PRKG1: variants seen among roughly 807,000 people sequenced by gnomAD.
The protein encoded by PRKG1 is cGMP-dependent protein kinase 1.
Under a neutral mutation model 88.1 loss-of-function variants are expected in PRKG1, and 35 were observed. The ratio of observed to expected loss-of-function variants is 0.40; its 90% CI spans 0.30 to 0.53. The LOEUF (loss-of-function observed/expected upper bound fraction) is 0.53. Among genes scored for constraint, PRKG1 ranks in the 20% least tolerant of loss-of-function variants. PRKG1 has a pLI of 0.59. For synonymous variants in PRKG1, 303 were observed against 292.5 expected, an observed-to-expected ratio of 1.04 and a Z score of -0.37; for missense variants, 540 against 839.8, an observed-to-expected ratio of 0.64 and a Z score of 4.41.
At chr10:51,797,915 T>C (rs1839060327) in intron 3 of PRKG1, among the ~76,000 whole-genome samples, 1 of 152,188 alleles carries the variant, frequency 6.6e-6, no homozygotes, top group African/African-American at 2.4e-5. Context: ...TTTTTGTATG[T>C]GGCTTATTTC....
chr10:52,079,174 T>C (rs989268071), intron 7 of PRKG1, among the ~76,000 whole-genome samples: 1 of 152,242 alleles, frequency 6.6e-6, no homozygotes, highest in African/African-American at 2.4e-5. Context: ...CATCAAATTT[T>C]ATTGACAGTT....
intron 5 of PRKG1, among the ~76,000 whole-genome samples, chr10:51,974,829 GATA>G (rs1016618470): frequency 6.6e-5 from 10 of 152,166 alleles, no homozygotes; most frequent in African/African-American, 2.4e-4. Flanking sequence ...TTTTCTAAAA[GATA>G]ATAAGGCCCT....
chr10:51,059,177 A>G (rs1843667501), intron 1 of PRKG1, among the ~76,000 whole-genome samples: 1 of 152,144 alleles, frequency 6.6e-6, no homozygotes, highest in Non-Finnish European at 1.5e-5. Flanking sequence ...TATGAATTTT[A>G]CTTAGTGTTC....
chr10:51,308,030 C>CAA (rs1344298800), intron 2 of PRKG1, among the ~76,000 whole-genome samples: 1 of 151,998 alleles, frequency 6.6e-6, no homozygotes, highest in Non-Finnish European at 1.5e-5. Flanking sequence ...ATTTGAAAAC[C>CAA]AAATAAGAAA....
At position 51,358,262 on chromosome 10, in the gene PRKG1, T is replaced by C. The variant is rs531279760; in HGVS notation, c.479-109461T>C. Among the ~76,000 whole-genome samples the C allele has an allele frequency of 1.3e-4, 19 of 151,962 alleles. No individual in the cohort carries two copies. In the South Asian group the frequency reaches 3.5e-3, roughly 28 times the overall value. On this transcript the variant is annotated intron_variant, in intron 2 of 17. Transcript: ENST00000373980. ...CATTTCCCTCCATGGAGGCCTCTTA[T>C]TCAGAGAGAGCAATCCAAGATACCA... is the stretch of plus-strand genomic sequence containing the variant.
chr10:51,233,146 T>C (rs985007157), intron 2 of PRKG1, among the ~76,000 whole-genome samples: 3 of 152,126 alleles, frequency 2.0e-5, no homozygotes, highest in Non-Finnish European at 2.9e-5. Context: ...GTGGAGAATG[T>C]AGAAGTAGAA....
intron 9 of PRKG1, among the ~76,000 whole-genome samples, chr10:52,208,557 T>C (rs1349319977): frequency 6.6e-6 from 1 of 152,194 alleles, no homozygotes; most frequent in African/African-American, 2.4e-5. Context: ...AATCCACTTA[T>C]GAACAACTGA....
chr10:51,759,242 T>C (rs1271007891), intron 3 of PRKG1, among the ~76,000 whole-genome samples: 1 of 152,034 alleles, frequency 6.6e-6, no homozygotes, highest in Non-Finnish European at 1.5e-5. Flanking sequence ...AAATTGTATT[T>C]TTGGTTCTAG....
chr10:51,653,127 G>A (rs545371990), intron 3 of PRKG1, among the ~76,000 whole-genome samples: 6 of 152,252 alleles, frequency 3.9e-5, no homozygotes, highest in Admixed American at 2.0e-4. Flanking sequence ...AGACACTTAG[G>A]TTGATTCCAT....
At chr10:51,006,402 C>A (rs1345593918) in intron 1 of PRKG1, among the ~76,000 whole-genome samples, 1 of 152,074 alleles carries the variant, frequency 6.6e-6, no homozygotes, top group Non-Finnish European at 1.5e-5. Flanking sequence ...TAGTTTATTG[C>A]CTTATAGAAT....
chr10:51,672,647 T>G (rs1840613139), intron 3 of PRKG1, among the ~76,000 whole-genome samples: 1 of 152,204 alleles, frequency 6.6e-6, no homozygotes, highest in Non-Finnish European at 1.5e-5. Flanking sequence ...ATTTAATTTG[T>G]GAAATCACAA....
chr10:51,219,913 T>G (rs541348037), intron 2 of PRKG1, among the ~76,000 whole-genome samples: 1 of 152,224 alleles, frequency 6.6e-6, no homozygotes, highest in African/African-American at 2.4e-5. Flanking sequence ...GTCCTGATCC[T>G]ATGAATATGA....
rs547355140 is a variant in PRKG1, at chr10:51,834,648, AAAAGAAAGAAAGAAGG to A, written c.698+29972_698+29987del. On this transcript the variant is annotated intron_variant, in intron 4 of 17. Coordinates refer to ENST00000373980, the MANE Select transcript of PRKG1 (RefSeq NM_006258.4). ...TGGGTGACACAGTGACACCCTGTCA[AAAAGAAAGAAAGAAGG>A]AAAGAAAGAAAGACAGAAAGAAAGA... Among the ~76,000 whole-genome samples, 224 of 151,750 alleles carry A rather than the reference AAAAGAAAGAAAGAAGG, an allele frequency of 1.5e-3. 1 individual carries two copies. The highest frequency in any genetic ancestry group is 5.2e-3 in the African/African-American group (215 of 41,288).
chr10:52,043,526 G>C (rs1845796020), intron 5 of PRKG1, among the ~76,000 whole-genome samples: 1 of 152,012 alleles, frequency 6.6e-6, no homozygotes. Flanking sequence ...CATAAAAACA[G>C]AGAGTAGAAT....
chr10:51,540,742 C>T (rs899290485), intron 3 of PRKG1, among the ~76,000 whole-genome samples: 9 of 151,906 alleles, frequency 5.9e-5, no homozygotes, highest in African/African-American at 7.3e-5. Context: ...GTTTTTGAGA[C>T]GGAGTCTTGC....
chr10:52,048,550 GTAA>G (rs766810270), intron 5 of PRKG1, among the ~76,000 whole-genome samples: 1 of 152,080 alleles, frequency 6.6e-6, no homozygotes, highest in East Asian at 1.9e-4. Flanking sequence ...ATCCAGTGTT[GTAA>G]TAAGCCTCTG....
intron 2 of PRKG1, among the ~76,000 whole-genome samples, chr10:51,438,304 T>A (rs975981676): frequency 1.3e-5 from 2 of 151,978 alleles, no homozygotes; most frequent in Non-Finnish European, 2.9e-5. Flanking sequence ...AACAAACCAA[T>A]ATTGATACAT....
At chr10:51,198,439 A>T (rs1837828515) in intron 2 of PRKG1, among the ~76,000 whole-genome samples, 1 of 152,252 alleles carries the variant, frequency 6.6e-6, no homozygotes, top group South Asian at 2.1e-4. Flanking sequence ...TGAAATTCAC[A>T]GTCGGATGTA....
chr10:51,295,682 A>G (rs1840702405), intron 2 of PRKG1, among the ~76,000 whole-genome samples: 1 of 150,028 alleles, frequency 6.7e-6, no homozygotes, highest in South Asian at 2.1e-4. Context: ...CTAATTGTCT[A>G]ATTGTTCTGG....
Sources: allele counts gnomAD v4.1 joint callset (sites outside exome capture counted in the v4.1 genomes callset), GRCh38; gene constraint gnomAD v4.1.1; transcripts MANE v1.5; gene names NCBI Gene and HGNC (gene_info 2026-07-23, HGNC 2026-07-21).